OLFM3: variants seen among roughly 807,000 people sequenced by gnomAD.
OLFM3 encodes noelin-3.
A neutral mutation model predicts 48.6 loss-of-function variants in OLFM3; 20 were observed. That is an observed-to-expected ratio of 0.41 (90% CI 0.29 to 0.60). The LOEUF (loss-of-function observed/expected upper bound fraction) is 0.60, where lower values mean the gene tolerates loss of function less well. OLFM3 is among the 20% of genes least tolerant of loss of function. OLFM3 has a pLI of 0.28. For missense variants in OLFM3, 437 were observed against 544.3 expected, an observed-to-expected ratio of 0.80 and a Z score of 1.96; for synonymous variants, 222 against 198.1, an observed-to-expected ratio of 1.12 and a Z score of -1.01.
intron 1 of OLFM3, among the ~76,000 whole-genome samples, chr1:101,986,221 C>G (rs151167670): frequency 1.3e-5 from 2 of 152,120 alleles, no homozygotes; most frequent in African/African-American, 4.8e-5. Flanking sequence ...GCCTCGGCCT[C>G]CCAAAGTGCT....
At position 101,996,822 on chromosome 1, in the gene OLFM3, T is replaced by A; in HGVS notation, c.-6A>T. On this transcript the variant is annotated 5_prime_UTR_variant, in exon 1 of 6. Coordinates refer to ENST00000370103, the MANE Select transcript of OLFM3 (RefSeq NM_058170.4). ...AGGTTGGACGTCGCCTGCATTCTGA[T>A]CTGGGTTTTTGCCCCTCTTTACTCT... 6.2e-7 allele frequency: 1 copy of A among 1,614,220 alleles called. No individual in the cohort carries two copies. The highest frequency in any genetic ancestry group is 1.1e-5 in the South Asian group (1 of 91,090).
intron 1 of OLFM3, among the ~76,000 whole-genome samples, chr1:101,983,753 A>G (rs1281403875): frequency 1.6e-4 from 25 of 152,220 alleles, no homozygotes; most frequent in Admixed American, 1.6e-3. Context: ...CAAACTATAC[A>G]ACACATTTTT....
chr1:101,923,282 C>T (rs928518284), intron 1 of OLFM3, among the ~76,000 whole-genome samples: 7 of 152,118 alleles, frequency 4.6e-5, no homozygotes, highest in Non-Finnish European at 7.4e-5. Context: ...AATATTTGCT[C>T]CCGAATATAA....
At chr1:101,891,002 A>T (rs1657973200) in intron 1 of OLFM3, among the ~76,000 whole-genome samples, 1 of 152,014 alleles carries the variant, frequency 6.6e-6, no homozygotes, top group South Asian at 2.1e-4. Flanking sequence ...CCAAATATTT[A>T]GATAATCTGG....
At chr1:101,907,876 T>C (rs570247352) in intron 1 of OLFM3, among the ~76,000 whole-genome samples, 1 of 147,954 alleles carries the variant, frequency 6.8e-6, no homozygotes, top group East Asian at 2.3e-4. Flanking sequence ...AAAAAACGTA[T>C]AATTTTTTCC....
At position 101,804,853 on chromosome 1, in the gene OLFM3, G is replaced by C. The variant is rs772070070; in HGVS notation, c.762C>G (p.Asp254Glu). 1.2e-6 allele frequency: 2 copies of C among 1,612,296 alleles called. No homozygotes were observed. Among genetic ancestry groups the C allele is most frequent in the East Asian group, 4.5e-5 (2 of 44,822 alleles). ...TCCTTGATTCAGCCCCACTGACAAA[G>C]TCTGCAATTGATTTGTATTCACGAA... ...KIVREYKSIADFVSGAESRTY... is the reference protein window; with the variant it reads ...KIVREYKSIAEFVSGAESRTY... Residue 254 changes from aspartate to glutamate, a missense_variant, in exon 6 of 6, where the codon GAC (aspartate) becomes GAG (glutamate). Asp to Glu is a conservative substitution (Grantham distance 45, BLOSUM62 2). Coordinates refer to ENST00000370103, the MANE Select transcript of OLFM3 (RefSeq NM_058170.4). This position sits in a 1 kb window ranked among gnomAD's most constrained non-coding sequence, Gnocchi z 4.5.
intron 1 of OLFM3, among the ~76,000 whole-genome samples, chr1:101,927,289 A>T (rs1403669814): frequency 6.6e-6 from 1 of 152,132 alleles, no homozygotes; most frequent in Non-Finnish European, 1.5e-5. Flanking sequence ...AATATTTTGA[A>T]TGAAACAGAA....
chr1:101,984,024 C>A (rs1049723490), intron 1 of OLFM3, among the ~76,000 whole-genome samples: 1 of 152,106 alleles, frequency 6.6e-6, no homozygotes, highest in Non-Finnish European at 1.5e-5. Flanking sequence ...CCAAAGTGGG[C>A]AGATCACTTG....
rs1239002557 is a variant in OLFM3 at position 101,922,883 on chromosome 1, G to T, written c.69+73865C>A. ...GGAAGTAATTGCTAACATATTTAGA[G>T]TTTATGATGAGGGGAGTACTGTACT... On this transcript the variant is annotated intron_variant, in intron 1 of 5. Transcript: ENST00000370103. Among the ~76,000 whole-genome samples the T allele has an allele frequency of 2.0e-5, 3 of 152,310 alleles. No individual in the cohort carries two copies. The East Asian group carries it at 5.8e-4, about 29-fold the overall frequency.
rs1052745733 is a variant in OLFM3 at position 101,803,385 on chromosome 1, A to C, written c.*853T>G. On this transcript the variant is annotated 3_prime_UTR_variant, in exon 6 of 6. Coordinates refer to ENST00000370103, the MANE Select transcript of OLFM3 (RefSeq NM_058170.4). ...AAACTATATGGGTTGCATTCAGTGG[A>C]GTGAACAGAGTAACTCAGTTGTATG... is the stretch of plus-strand genomic sequence containing the variant. 2.6e-5 allele frequency: 4 copies of C among 152,122 alleles called. No homozygotes were observed. Among genetic ancestry groups the C allele is most frequent in the Admixed American group, 6.6e-5 (1 of 15,190 alleles). 9.4% of individuals were successfully genotyped at this position (152,122 alleles called of 1,614,324 possible). A position where few individuals can be genotyped will look rare whatever the true frequency, so the allele number is the denominator to read the frequency against.
chr1:101,902,908 C>T (rs917601197), intron 1 of OLFM3, among the ~76,000 whole-genome samples: 1 of 152,000 alleles, frequency 6.6e-6, no homozygotes, highest in Non-Finnish European at 1.5e-5. Flanking sequence ...AGACTGGCTC[C>T]CAAGCCCATA....
chr1:101,991,893 A>G (rs1231044639), intron 1 of OLFM3, among the ~76,000 whole-genome samples: 3 of 152,000 alleles, frequency 2.0e-5, no homozygotes, highest in Non-Finnish European at 2.9e-5. Context: ...GCATGATACT[A>G]TCCAAGGAAG....
chr1:101,922,447 T>C (rs560348764), intron 1 of OLFM3, among the ~76,000 whole-genome samples: 6 of 152,198 alleles, frequency 3.9e-5, no homozygotes, highest in Non-Finnish European at 8.8e-5. Flanking sequence ...TGGAGAGGAA[T>C]GGGATGCAGT....
intron 1 of OLFM3, among the ~76,000 whole-genome samples, chr1:101,911,857 T>G (rs6668325): frequency 0.43 from 65,797 of 152,042 alleles, 14,335 homozygotes; most frequent in East Asian, 0.59. Flanking sequence ...AGATTGCAAA[T>G]TACTTCTTTG....
In OLFM3 at chr1:101,836,929, G is replaced by A. The variant is rs918056436; in HGVS notation, c.166C>T (p.Leu56=). Residue 56 remains leucine, a synonymous_variant, in exon 2 of 6, where the codon CTG becomes TTG. Coordinates refer to ENST00000370103, the MANE Select transcript of OLFM3 (RefSeq NM_058170.4). ...ICTVVAPEQN[L]CSRDAKSRQL... is the part of the protein sequence containing the mutation. ...CTGCTTTTGGCATCCCGGGAACACA[G>A]GTTTTGTTCTGGAGCAACAACTGTG... 6 of 1,614,014 alleles carry A rather than the reference G, an allele frequency of 3.7e-6. No homozygotes were observed. In the African/African-American group the frequency reaches 6.7e-5, roughly 18 times the overall value.
intron 3 of OLFM3, among the ~76,000 whole-genome samples, chr1:101,829,416 T>G (rs1287810800): frequency 2.0e-5 from 3 of 152,336 alleles, no homozygotes; most frequent in Middle Eastern, 6.8e-3. Context: ...CCCTCAACTT[T>G]CTTGCCCTCT....
intron 1 of OLFM3, among the ~76,000 whole-genome samples, chr1:101,927,832 T>C (rs951102418): frequency 6.6e-6 from 1 of 151,152 alleles, no homozygotes; most frequent in Non-Finnish European, 1.5e-5. Context: ...TACCAGACTA[T>C]TGGTGGTGGT....
chr1:101,914,266 C>T (rs1658854482), intron 1 of OLFM3, among the ~76,000 whole-genome samples: 1 of 152,196 alleles, frequency 6.6e-6, no homozygotes, highest in South Asian at 2.1e-4. Context: ...GGGTTCCCAT[C>T]TCTTTGCTCC....
At chr1:101,898,777 A>G (rs1284516199) in intron 1 of OLFM3, among the ~76,000 whole-genome samples, 1 of 152,130 alleles carries the variant, frequency 6.6e-6, no homozygotes. Flanking sequence ...TGAGTCTGGG[A>G]GGCAGAGGCT....
Sources: allele counts gnomAD v4.1 joint callset (sites outside exome capture counted in the v4.1 genomes callset), GRCh38; gene constraint gnomAD v4.1.1; non-coding constraint Gnocchi (gnomAD v3.1); transcripts MANE v1.5; gene names NCBI Gene and HGNC (gene_info 2026-07-23, HGNC 2026-07-21).